Variants in IMPG1 observed in about 807,000 individuals in gnomAD.
IMPG1 encodes interphotoreceptor matrix proteoglycan 1.
Under a neutral mutation model 92.0 loss-of-function variants are expected in IMPG1, and 85 were observed. That is an observed-to-expected ratio of 0.92 (90% CI 0.78 to 1.11). The LOEUF (loss-of-function observed/expected upper bound fraction) is 1.11. Among genes scored for constraint, IMPG1 ranks in the 50% least tolerant of loss-of-function variants. The probability of loss-of-function intolerance (pLI) is 0.00; values close to 1 mark genes in which losing one functional copy is unlikely to be tolerated. For missense variants in IMPG1, 1,022 were observed against 956.0 expected (o/e 1.07, Z -0.91); for synonymous variants, 367 against 334.1 (o/e 1.10, Z -1.08).
intron 15 of IMPG1, among the ~76,000 whole-genome samples, chr6:75,924,705 TAATATATA>T (rs1562335292): frequency 0.011 from 99 of 8,946 alleles, 10 homozygotes; most frequent in South Asian, 0.04. Context: ...TAATTATATA[TAATATATA>T]ATATATAATA....
At chr6:75,933,313 C>T (rs1025831329) in intron 14 of IMPG1, among the ~76,000 whole-genome samples, 3 of 152,130 alleles carry the variant, frequency 2.0e-5, no homozygotes, top group Non-Finnish European at 2.9e-5. Context: ...TCTATAATTG[C>T]CTTCACTGCC....
chr6:75,967,176 A>C (rs9352252), intron 12 of IMPG1, among the ~76,000 whole-genome samples: 17,676 of 151,516 alleles, frequency 0.12, 1,148 homozygotes, highest in East Asian at 0.24. Context: ...AAGACTTCTT[A>C]TAAAAAAAAA....
intron 4 of IMPG1, among the ~76,000 whole-genome samples, chr6:76,026,547 G>A (rs527441978): frequency 4.0e-4 from 61 of 152,308 alleles, no homozygotes; most frequent in African/African-American, 1.4e-3. Context: ...TGGTCCAAGG[G>A]TCCCACACAG....
rs755265773 is a variant in IMPG1 at position 76,034,755 on chromosome 6, T to A, written c.334A>T (p.Ile112Phe). The change falls in exon 3 of 17, where the codon ATC becomes TTC. Residue 112 changes from isoleucine to phenylalanine, a missense_variant. Ile to Phe is a conservative substitution (Grantham distance 21). Coordinates refer to ENST00000369950, the MANE Select transcript of IMPG1 (RefSeq NM_001563.4). ...CQEAVWEAYR[I>F]FLDRIPDTGE... ...GTGTCAGGGATGCGATCCAGAAAGA[T>A]CCGATATGCTTCCCATACTGCTTCC... 1 of 1,613,988 alleles carries A rather than the reference T, an allele frequency of 6.2e-7. No individual in the cohort carries two copies. The highest frequency in any genetic ancestry group is 1.3e-5 in the African/African-American group (1 of 74,904).
At chr6:75,953,354 G>T (rs1175928770) in intron 12 of IMPG1, among the ~76,000 whole-genome samples, 1 of 152,130 alleles carries the variant, frequency 6.6e-6, no homozygotes. Flanking sequence ...TGCCATGGTG[G>T]TTTGCTGCAT....
At chr6:76,045,509 A>G (rs560041493) in intron 1 of IMPG1, among the ~76,000 whole-genome samples, 1 of 149,992 alleles carries the variant, frequency 6.7e-6, no homozygotes, top group Non-Finnish European at 1.5e-5. Flanking sequence ...TCTGTGACAC[A>G]AAACCAACCA....
At chr6:76,000,580 T>C (rs1782970257) in intron 12 of IMPG1, among the ~76,000 whole-genome samples, 1 of 152,142 alleles carries the variant, frequency 6.6e-6, no homozygotes, top group Non-Finnish European at 1.5e-5. Flanking sequence ...GAGTAGTAGG[T>C]AGGGTATATG....
At chr6:75,952,215 G>C (rs541051881) in intron 12 of IMPG1, among the ~76,000 whole-genome samples, 4 of 152,150 alleles carry the variant, frequency 2.6e-5, no homozygotes, top group Admixed American at 6.6e-5. Flanking sequence ...AAGGCATTAA[G>C]TGAACAAAAC....
chr6:75,989,444 T>A (rs1014573365), intron 12 of IMPG1, among the ~76,000 whole-genome samples: 1 of 152,202 alleles, frequency 6.6e-6, no homozygotes, highest in Non-Finnish European at 1.5e-5. Context: ...ACAAAATTAT[T>A]GCAAACTCTC....
At chr6:75,985,904 T>C (rs1449418617) in intron 12 of IMPG1, among the ~76,000 whole-genome samples, 1 of 152,228 alleles carries the variant, frequency 6.6e-6, no homozygotes, top group Non-Finnish European at 1.5e-5. Context: ...TAACAATATA[T>C]GAAGTCTCAC....
At chr6:76,042,263 A>T in intron 1 of IMPG1, 137 bp from the exon 2 acceptor site, 1 of 620,766 alleles carries the variant, frequency 1.6e-6, no homozygotes, top group Non-Finnish European at 2.9e-6. Context: ...GCAACTGCTA[A>T]ACGTAATATT....
intron 7 of IMPG1, among the ~76,000 whole-genome samples, chr6:76,012,142 A>T (rs183864996): frequency 6.6e-6 from 1 of 152,280 alleles, no homozygotes; most frequent in African/African-American, 2.4e-5. Flanking sequence ...TCTTAGATTC[A>T]TATGGACTTC....
At position 76,018,803 on chromosome 6, in the gene IMPG1, G is replaced by C. The variant is rs200029022; in HGVS notation, c.722C>G (p.Ser241Cys). 2 of 1,612,546 alleles carry C rather than the reference G, an allele frequency of 1.2e-6. No individual in the cohort carries two copies. The highest frequency in any genetic ancestry group is 1.7e-6 in the Non-Finnish European group (2 of 1,179,328). ...LEEQRVELSVSLVNQKFKAEL... is the reference protein window; with the variant it reads ...LEEQRVELSVCLVNQKFKAEL... ...TGCCTTGAACTTCTGGTTTACCAGAGAGACGCTGAGCTCCACCCTCTGCTC... is the reference window on the plus strand; with the variant it reads ...TGCCTTGAACTTCTGGTTTACCAGACAGACGCTGAGCTCCACCCTCTGCTC... Residue 241 changes from serine (S) to cysteine (C), a missense_variant, in exon 7 of 17, where the codon TCT becomes TGT. By Grantham distance (112) the Ser-to-Cys change is moderately radical. Around this residue, in one of 3 missense-constraint regions of IMPG1, gnomAD observed 681 missense variants for 583.6 expected, o/e 1.17. Coordinates refer to ENST00000369950, the MANE Select transcript of IMPG1 (RefSeq NM_001563.4).
chr6:75,943,612 T>C (rs542883784), intron 14 of IMPG1, among the ~76,000 whole-genome samples: 1 of 152,318 alleles, frequency 6.6e-6, no homozygotes, highest in East Asian at 1.9e-4. Context: ...TATTCCTTTA[T>C]AGCAATACAA....
intron 8 of IMPG1, 136 bp downstream of exon 8, chr6:76,011,030 C>A (rs568632621): frequency 3.8e-5 from 22 of 585,462 alleles, no homozygotes; most frequent in Non-Finnish European, 6.2e-5. Flanking sequence ...TTATCTGAAA[C>A]GTACTCCGTT....
At chr6:76,033,278 T>C (rs1582118917) in intron 4 of IMPG1, among the ~76,000 whole-genome samples, 1 of 152,132 alleles carries the variant, frequency 6.6e-6, no homozygotes, top group Non-Finnish European at 1.5e-5. Context: ...TCTGATTTCT[T>C]CCTCCTCACT....
chr6:76,050,986 A>C (rs1784034301), intron 1 of IMPG1, among the ~76,000 whole-genome samples: 1 of 152,206 alleles, frequency 6.6e-6, no homozygotes, highest in Admixed American at 6.5e-5. Context: ...TTAATGAATA[A>C]ATTAGCACGA....
chr6:76,021,778 C>CATATATATATATCTATATATATAT (rs1783428501), intron 6 of IMPG1, among the ~76,000 whole-genome samples: 1 of 49,486 alleles, frequency 2.0e-5, no homozygotes, highest in Non-Finnish European at 3.7e-5. Flanking sequence ...ACTTGGAGAG[C>CATATATATATATCTATATATATAT]ATATATATAT....
intron 12 of IMPG1, among the ~76,000 whole-genome samples, chr6:75,955,454 C>A (rs1441563392): frequency 6.6e-6 from 1 of 152,122 alleles, no homozygotes; most frequent in Non-Finnish European, 1.5e-5. Flanking sequence ...GATTTTTGCA[C>A]ATTGATTTTG....
Sources: allele counts gnomAD v4.1 joint callset (sites outside exome capture counted in the v4.1 genomes callset), GRCh38; gene constraint gnomAD v4.1.1; regional missense constraint gnomAD v4.1.1; transcripts MANE v1.5; gene names NCBI Gene and HGNC (gene_info 2026-07-23, HGNC 2026-07-21).